Variants in NRXN3 observed in about 807,000 individuals in gnomAD.
NRXN3 encodes the protein neurexin III.
NRXN3 carries 32 observed loss-of-function variants against 137.6 expected under a neutral mutation model. The observed-to-expected ratio is 0.23, with a 90% CI of 0.18 to 0.31. The LOEUF is 0.31. NRXN3 is among the 10% of genes least tolerant of loss of function. The pLI, the probability that NRXN3 is intolerant of heterozygous loss-of-function variation, is 1.00. For synonymous variants in NRXN3, 798 were observed against 784.5 expected, an observed-to-expected ratio of 1.02 and a Z score of -0.29; for missense variants, 1,574 against 2,062.5, an observed-to-expected ratio of 0.76 and a Z score of 4.59.
intron 1 of NRXN3, among the ~76,000 whole-genome samples, chr14:78,216,395 AG>A (rs1215951924): frequency 2.0e-5 from 3 of 152,152 alleles, no homozygotes; most frequent in Non-Finnish European, 2.9e-5. Flanking sequence ...GAGTAAACTG[AG>A]GTCCCACTTG....
intron 4 of NRXN3, among the ~76,000 whole-genome samples, chr14:78,550,421 G>T (rs781445827): frequency 1.7e-4 from 26 of 152,134 alleles, no homozygotes; most frequent in Middle Eastern, 3.4e-3. Context: ...CAATATGGGA[G>T]TTGGTGCCCT....
At chr14:78,527,269 C>G (rs2096394261) in intron 4 of NRXN3, among the ~76,000 whole-genome samples, 1 of 152,194 alleles carries the variant, frequency 6.6e-6, no homozygotes, top group Non-Finnish European at 1.5e-5. Context: ...AGCATCTTCT[C>G]TGCTTCTGGG....
chr14:78,725,693 G>A (rs2098479847), intron 8 of NRXN3, among the ~76,000 whole-genome samples: 1 of 152,184 alleles, frequency 6.6e-6, no homozygotes, highest in Non-Finnish European at 1.5e-5. Flanking sequence ...TGTGGGGGGT[G>A]ACTCTTTTAT....
At chr14:78,733,944 T>C (rs2098528909) in intron 8 of NRXN3, among the ~76,000 whole-genome samples, 1 of 152,162 alleles carries the variant, frequency 6.6e-6, no homozygotes, top group African/African-American at 2.4e-5. Context: ...ATGAAGTCTA[T>C]TGAACAAAGA....
At chr14:78,936,783 G>A (rs1175269905) in intron 10 of NRXN3, among the ~76,000 whole-genome samples, 9 of 152,162 alleles carry the variant, frequency 5.9e-5, no homozygotes, top group Non-Finnish European at 1.0e-4. Context: ...TGTCTTGATA[G>A]AGAGACCACT....
intron 15 of NRXN3, among the ~76,000 whole-genome samples, chr14:79,245,556 G>C (rs1489787087): frequency 6.6e-6 from 1 of 152,114 alleles, no homozygotes; most frequent in Admixed American, 6.6e-5. Context: ...TTCCTTATCA[G>C]TAAAACAGTA....
intron 4 of NRXN3, among the ~76,000 whole-genome samples, chr14:78,299,608 G>A (rs1295502026): frequency 6.6e-6 from 1 of 152,132 alleles, no homozygotes; most frequent in African/African-American, 2.4e-5. Flanking sequence ...GCAGAGTGTG[G>A]CAAATGGGAT....
intron 15 of NRXN3, among the ~76,000 whole-genome samples, chr14:79,286,499 C>T (rs2082272601): frequency 6.7e-6 from 1 of 148,552 alleles, no homozygotes; most frequent in Non-Finnish European, 1.5e-5. Context: ...TACTTCATGA[C>T]ATGGTTATGA....
chr14:78,850,694 C>CA (rs2099040178), intron 10 of NRXN3, among the ~76,000 whole-genome samples: 1 of 152,142 alleles, frequency 6.6e-6, no homozygotes, highest in Admixed American at 6.6e-5. Context: ...GCAAGTGGAG[C>CA]AAAAATGTTA....
At chr14:78,761,649 C>T (rs2098692685) in intron 8 of NRXN3, among the ~76,000 whole-genome samples, 1 of 152,100 alleles carries the variant, frequency 6.6e-6, no homozygotes, top group South Asian at 2.1e-4. Context: ...GGGAATAAAA[C>T]CTAGCAGTTT....
At chr14:78,490,337 G>A (rs1029152489) in intron 4 of NRXN3, among the ~76,000 whole-genome samples, 5 of 152,160 alleles carry the variant, frequency 3.3e-5, no homozygotes, top group African/African-American at 1.2e-4. Context: ...TTTACCTTAT[G>A]CACAGTGGGC....
At chr14:79,262,564 GGAAGAA>G (rs544652817) in intron 15 of NRXN3, among the ~76,000 whole-genome samples, 1 of 150,814 alleles carries the variant, frequency 6.6e-6, no homozygotes, top group Non-Finnish European at 1.5e-5. Context: ...AGGAGGAGGA[GGAAGAA>G]GAAGAAGAAT....
chr14:79,302,948 A>C (rs1239614300), intron 15 of NRXN3, among the ~76,000 whole-genome samples: 1 of 151,918 alleles, frequency 6.6e-6, no homozygotes, highest in Non-Finnish European at 1.5e-5. Context: ...GGATCCAAAC[A>C]CTTCCCTCCA....
At chr14:78,784,547 A>G (rs1195006684) in intron 8 of NRXN3, among the ~76,000 whole-genome samples, 1 of 152,222 alleles carries the variant, frequency 6.6e-6, no homozygotes, top group African/African-American at 2.4e-5. Flanking sequence ...TCCTTTAGCA[A>G]GGAAAGAAAT....
At chr14:79,593,061 T>A (rs2097822595) in intron 16 of NRXN3, among the ~76,000 whole-genome samples, 2 of 152,158 alleles carry the variant, frequency 1.3e-5, no homozygotes, top group Non-Finnish European at 2.9e-5. Context: ...TCTGTCTTAG[T>A]ACAAACTCAT....
intron 4 of NRXN3, chr14:78,614,799 C>T (rs573336484): frequency 5.1e-5 from 18 of 352,636 alleles, no homozygotes; most frequent in South Asian, 3.3e-4. Context: ...CAAGGCACTC[C>T]CTACAGCAAA....
At chr14:78,362,591 A>G (rs1210136913) in intron 4 of NRXN3, among the ~76,000 whole-genome samples, 3 of 152,182 alleles carry the variant, frequency 2.0e-5, no homozygotes, top group African/African-American at 4.8e-5. Flanking sequence ...TGAGTTGTAT[A>G]GTCATGGTGA....
intron 14 of NRXN3, among the ~76,000 whole-genome samples, chr14:78,969,690 T>C (rs144487246): frequency 0.014 from 2,187 of 152,296 alleles, 33 homozygotes; most frequent in Non-Finnish European, 0.018. Context: ...TCCCTTTGCC[T>C]AAGAGTTATT....
intron 1 of NRXN3, among the ~76,000 whole-genome samples, chr14:78,226,758 A>T (rs2064728457): frequency 6.6e-6 from 1 of 152,000 alleles, no homozygotes; most frequent in African/African-American, 2.4e-5. Flanking sequence ...AAACTTTGAA[A>T]TTTTTTTTGC....
Sources: gnomAD v4.1 joint callset for allele counts (sites outside exome capture counted in the v4.1 genomes callset) on GRCh38, gnomAD v4.1.1 for gene constraint, MANE v1.5 for transcripts, NCBI Gene and HGNC (gene_info 2026-07-23, HGNC 2026-07-21) for gene names.